ROBO1: variants seen among roughly 807,000 people sequenced by gnomAD.
ROBO1 encodes roundabout guidance receptor 1.
ROBO1 carries 149 observed loss-of-function variants against 195.9 expected under a neutral mutation model. The observed-to-expected ratio is 0.76, with a 90% confidence interval of 0.67 to 0.87. ROBO1 has a LOEUF of 0.87. ROBO1 is among the 40% of genes least tolerant of loss of function. The pLI is 0.00. For missense variants in ROBO1, 1,933 were observed against 2,068.3 expected, an observed-to-expected ratio of 0.93 and a Z score of 1.27; for synonymous variants, 816 against 733.2, an observed-to-expected ratio of 1.11 and a Z score of -1.82.
chr3:79,456,327 A>G (rs921877840), intron 2 of ROBO1, among the ~76,000 whole-genome samples: 3 of 152,144 alleles, frequency 2.0e-5, no homozygotes, highest in African/African-American at 7.2e-5. Flanking sequence ...ACCTAACATC[A>G]AGCCTAACTC....
At chr3:79,364,182 G>A (rs1402785771) in intron 2 of ROBO1, among the ~76,000 whole-genome samples, 3 of 151,168 alleles carry the variant, frequency 2.0e-5, no homozygotes, top group Non-Finnish European at 4.4e-5. Context: ...TCTAGCCTGG[G>A]CAACAGAGCG....
intron 2 of ROBO1, among the ~76,000 whole-genome samples, chr3:79,437,564 A>G (rs2038928260): frequency 6.6e-6 from 1 of 152,072 alleles, no homozygotes; most frequent in South Asian, 2.1e-4. Flanking sequence ...AAAATGTGCA[A>G]GTTGAGACAT....
chr3:79,406,697 T>A (rs114954263), intron 2 of ROBO1, among the ~76,000 whole-genome samples: 2,433 of 152,166 alleles, frequency 0.016, 65 homozygotes, highest in African/African-American at 0.054. Context: ...TGTTTAGGTT[T>A]GCAAGTTCAA....
chr3:79,423,497 A>C (rs2038316990), intron 2 of ROBO1, among the ~76,000 whole-genome samples: 1 of 152,122 alleles, frequency 6.6e-6, no homozygotes, highest in African/African-American at 2.4e-5. Context: ...CGATCCTGAT[A>C]ATGCCACTTA....
intron 2 of ROBO1, among the ~76,000 whole-genome samples, chr3:79,214,825 TA>T (rs201009046): frequency 0.056 from 7,856 of 140,040 alleles, 458 homozygotes; most frequent in African/African-American, 0.16. Context: ...TATATATATA[TA>T]TTTTTTTTTT....
chr3:79,229,048 T>C (rs2082275530), intron 2 of ROBO1, among the ~76,000 whole-genome samples: 1 of 152,154 alleles, frequency 6.6e-6, no homozygotes, highest in South Asian at 2.1e-4. Flanking sequence ...GATATGCAAA[T>C]CACCATAAGA....
rs1197498332 is a variant in ROBO1, at chr3:78,606,829, G to A, written c.4648C>T (p.Pro1550Ser). The A allele has an allele frequency of 1.2e-6, 2 of 1,613,656 alleles. No homozygotes were observed. Among genetic ancestry groups the A allele is most frequent in the Non-Finnish European group, 1.7e-6 (2 of 1,179,864 alleles). Residue 1550 changes from proline (P) to serine (S), a missense_variant, in exon 29 of 31, where the codon CCC becomes TCC. This residue lies in a region of ROBO1 where 1,737 missense variants were observed against 1,882.5 expected (regional missense o/e 0.92). Transcript: ENST00000464233. ...TTTTGCTGTTCCTGTGCTTCTCTGG[G>A]ATCACCTGGATTTGTTCGCATGTCA... ...VVDMRTNPGDPREAQEQQNDG... is the reference protein window; with the variant it reads ...VVDMRTNPGDSREAQEQQNDG...
chr3:79,090,418 T>G (rs1443656997), intron 3 of ROBO1, among the ~76,000 whole-genome samples: 1 of 151,916 alleles, frequency 6.6e-6, no homozygotes, highest in Non-Finnish European at 1.5e-5. Context: ...GTGAACTTCC[T>G]TTCCCTTCCC....
intron 1 of ROBO1, among the ~76,000 whole-genome samples, chr3:79,688,995 C>CT (rs1239499757): frequency 6.6e-6 from 1 of 151,970 alleles, no homozygotes; most frequent in Non-Finnish European, 1.5e-5. Context: ...AATTATTAGA[C>CT]TTTTTTCTCA....
intron 8 of ROBO1, among the ~76,000 whole-genome samples, chr3:78,706,405 C>T (rs1298850838): frequency 6.6e-6 from 1 of 151,928 alleles, no homozygotes; most frequent in Non-Finnish European, 1.5e-5. Flanking sequence ...TGGATCTTAC[C>T]CTGGAGAGAT....
intron 3 of ROBO1, among the ~76,000 whole-genome samples, chr3:79,108,136 T>C (rs1303777330): frequency 1.3e-5 from 2 of 151,756 alleles, no homozygotes; most frequent in African/African-American, 4.8e-5. Context: ...GAATATAGTA[T>C]GTGTGTTTTG....
At chr3:78,632,822 A>T (rs1447246932) in intron 24 of ROBO1, among the ~76,000 whole-genome samples, 4 of 152,216 alleles carry the variant, frequency 2.6e-5, no homozygotes, top group Non-Finnish European at 1.5e-5. Context: ...TAAGATAATC[A>T]AATATTAAAA....
chr3:78,693,217 T>C, intron 8 of ROBO1: 4 of 1,221,796 alleles, frequency 3.3e-6, no homozygotes, highest in Non-Finnish European at 3.4e-6. Flanking sequence ...TCTGTCTTTG[T>C]GGCCAATGAC....
chr3:79,741,866 C>T (rs1377989416), intron 1 of ROBO1, among the ~76,000 whole-genome samples: 1 of 152,186 alleles, frequency 6.6e-6, no homozygotes, highest in Non-Finnish European at 1.5e-5. Context: ...AAAGGTCACT[C>T]ACTATGCTTT....
chr3:79,717,532 T>G (rs1425735739), intron 1 of ROBO1, among the ~76,000 whole-genome samples: 1 of 151,962 alleles, frequency 6.6e-6, no homozygotes, highest in African/African-American at 2.4e-5. Flanking sequence ...AAAATGAAAA[T>G]GCACACCTTC....
At chr3:79,539,596 G>T (rs1339533282) in intron 2 of ROBO1, among the ~76,000 whole-genome samples, 2 of 151,972 alleles carry the variant, frequency 1.3e-5, no homozygotes, top group Non-Finnish European at 2.9e-5. Context: ...TTAAGTCTTT[G>T]CTTAAGTGAC....
At chr3:79,193,172 A>G (rs928459648) in intron 2 of ROBO1, among the ~76,000 whole-genome samples, 1 of 151,656 alleles carries the variant, frequency 6.6e-6, no homozygotes, top group Admixed American at 6.6e-5. Context: ...TAAACTTGAA[A>G]TGTCTGTGAG....
At chr3:78,803,100 A>G (rs1467272919) in intron 4 of ROBO1, among the ~76,000 whole-genome samples, 3 of 152,198 alleles carry the variant, frequency 2.0e-5, no homozygotes, top group African/African-American at 7.2e-5. Flanking sequence ...TAGATAAAAC[A>G]TGGGCTCGTG....
At chr3:79,631,500 GACTT>G (rs1945339535) in intron 1 of ROBO1, among the ~76,000 whole-genome samples, 1 of 151,996 alleles carries the variant, frequency 6.6e-6, no homozygotes, top group Non-Finnish European at 1.5e-5. Flanking sequence ...ATGGATTAAA[GACTT>G]AATTATAAGA....
Sources: allele counts gnomAD v4.1 joint callset (sites outside exome capture counted in the v4.1 genomes callset), GRCh38; gene constraint gnomAD v4.1.1; regional missense constraint gnomAD v4.1.1; transcripts MANE v1.5; gene names NCBI Gene and HGNC (gene_info 2026-07-23, HGNC 2026-07-21).